Variants in FRMD3 observed in about 807,000 individuals in gnomAD.
The protein encoded by FRMD3 is FERM domain containing 3, also known as FERM domain-containing protein 3.
In FRMD3, 33 loss-of-function variants were observed where a neutral mutation model predicts 70.2. The observed-to-expected ratio is 0.47, with a 90% CI of 0.36 to 0.63. FRMD3 has a LOEUF of 0.63. Ranked by LOEUF, FRMD3 falls within the 20% of genes least tolerant of loss-of-function variation. The pLI, the probability that FRMD3 is intolerant of heterozygous loss-of-function variation, is 0.00. For synonymous variants in FRMD3, 279 were observed against 255.9 expected (o/e 1.09, Z -0.86); for missense variants, 632 against 711.4 (o/e 0.89, Z 1.27).
the FRMD3 span, among the ~76,000 whole-genome samples, chr9:83,584,070 T>G: frequency 6.6e-6 from 1 of 152,146 alleles, no homozygotes; most frequent in South Asian, 2.1e-4. Flanking sequence ...GCGTGGTGGC[T>G]CATGCCTGTA....
chr9:83,273,069 C>A (rs1197188903), intron 13 of FRMD3, among the ~76,000 whole-genome samples: 7 of 150,572 alleles, frequency 4.6e-5, no homozygotes, highest in Non-Finnish European at 1.0e-4. Context: ...GCGCCTCTGC[C>A]CGGCCACCCC....
chr9:83,514,025 T>A (rs987234966), intron 1 of FRMD3, among the ~76,000 whole-genome samples: 10 of 152,252 alleles, frequency 6.6e-5, no homozygotes, highest in African/African-American at 2.2e-4. Flanking sequence ...TTCAAGCACA[T>A]AGCTGGGCAG....
chr9:83,353,406 A>C (rs1477450916), intron 3 of FRMD3, among the ~76,000 whole-genome samples: 2 of 152,250 alleles, frequency 1.3e-5, no homozygotes, highest in Non-Finnish European at 2.9e-5. Context: ...GGCTGGAACA[A>C]GCTGAAAAGA....
intron 1 of FRMD3, among the ~76,000 whole-genome samples, chr9:83,464,724 A>T (rs17086293): frequency 0.16 from 24,666 of 152,102 alleles, 2,036 homozygotes; most frequent in East Asian, 0.2. Context: ...GGTCAAAGAT[A>T]ATTGAGGTTC....
chr9:83,493,819 C>T (rs1828882061), intron 1 of FRMD3, among the ~76,000 whole-genome samples: 1 of 152,294 alleles, frequency 6.6e-6, no homozygotes, highest in East Asian at 1.9e-4. Context: ...AGCTCAAGTC[C>T]CTCCCTTCAG....
intron 6 of FRMD3, chr9:83,331,770 A>T: frequency 1.5e-6 from 1 of 687,556 alleles, no homozygotes. Flanking sequence ...AAGTCTATTA[A>T]AAAAAGAAAA....
rs774281110 is a variant in FRMD3, at chr9:83,246,195, C to T, written c.*1723G>A. 2.5e-5 allele frequency: 25 copies of T among 984,892 alleles called. No homozygotes were observed. Among genetic ancestry groups the T allele is most frequent in the South Asian group, 4.7e-5 (1 of 21,256 alleles). 61.0% of individuals were successfully genotyped at this position (984,892 alleles called of 1,614,324 possible). ...TTGGAATGTCATTAGCTAGAGAGAG[C>T]GATTCCAAGTGGGCCCTGTAACTTT... On this transcript the variant is annotated 3_prime_UTR_variant, in exon 14 of 14. Transcript: ENST00000304195.
At chr9:83,528,711 A>G (rs959821681) in intron 1 of FRMD3, among the ~76,000 whole-genome samples, 5 of 151,872 alleles carry the variant, frequency 3.3e-5, no homozygotes, top group Non-Finnish European at 7.4e-5. Context: ...ATTTTTTTGT[A>G]AACACAGGGT....
At chr9:83,441,698 C>T (rs769990997) in intron 1 of FRMD3, among the ~76,000 whole-genome samples, 78 of 152,280 alleles carry the variant, frequency 5.1e-4, no homozygotes, top group Non-Finnish European at 1.0e-3. Context: ...CACCCCCAAG[C>T]ATGAAATTCA....
At chr9:83,329,702 T>A (rs989200315) in intron 6 of FRMD3, among the ~76,000 whole-genome samples, 2 of 152,228 alleles carry the variant, frequency 1.3e-5, no homozygotes, top group Admixed American at 1.3e-4. Flanking sequence ...ATCATTATAG[T>A]GTGGCTAGTT....
chr9:83,379,827 C>T (rs1225183719), intron 2 of FRMD3, among the ~76,000 whole-genome samples: 1 of 152,068 alleles, frequency 6.6e-6, no homozygotes, highest in Non-Finnish European at 1.5e-5. Flanking sequence ...ACCTCTGCTC[C>T]CTCACCCCTT....
chr9:83,413,020 A>C (rs1295770327), intron 1 of FRMD3, among the ~76,000 whole-genome samples: 4 of 152,144 alleles, frequency 2.6e-5, no homozygotes, highest in African/African-American at 9.7e-5. Flanking sequence ...AGAGAAAGAA[A>C]GAAAACAGAA....
chr9:83,385,471 A>G lies in FRMD3; in HGVS notation c.252+4133T>C, dbSNP rs568678236. Among the ~76,000 whole-genome samples the G allele has an allele frequency of 5.9e-5, 9 of 152,316 alleles. No individual in the cohort carries two copies. The South Asian group carries it at 1.9e-3, about 32-fold the overall frequency. ...ATCAAAATAGCAAAAGATAGTCATC[A>G]TTTCCTGACTCAGTGTTTCCCATTT... On this transcript the variant is annotated intron_variant, in intron 2 of 13. Transcript: ENST00000304195.
At chr9:83,467,427 T>C (rs1277720517) in intron 1 of FRMD3, among the ~76,000 whole-genome samples, 1 of 152,164 alleles carries the variant, frequency 6.6e-6, no homozygotes, top group Non-Finnish European at 1.5e-5. Context: ...GAAAGGCCAT[T>C]AAGTGGAACT....
chr9:83,365,744 C>T (rs1208743593), intron 3 of FRMD3, among the ~76,000 whole-genome samples: 1 of 152,094 alleles, frequency 6.6e-6, no homozygotes, highest in Non-Finnish European at 1.5e-5. Context: ...ATTTTACTGA[C>T]ATTTTTGTAC....
intron 1 of FRMD3, among the ~76,000 whole-genome samples, chr9:83,487,491 A>G (rs927772282): frequency 2.0e-5 from 3 of 152,188 alleles, no homozygotes; most frequent in African/African-American, 7.2e-5. Flanking sequence ...TTCTGAAGCC[A>G]TAGGTGGGAT....
At chr9:83,551,223 A>G in the FRMD3 span, among the ~76,000 whole-genome samples, 3 of 152,182 alleles carry the variant, frequency 2.0e-5, no homozygotes, top group African/African-American at 7.2e-5. Context: ...TTCTGCATCT[A>G]TTAAGATAAT....
chr9:83,505,418 C>T (rs1323367673), intron 1 of FRMD3, among the ~76,000 whole-genome samples: 1 of 152,132 alleles, frequency 6.6e-6, no homozygotes, highest in Non-Finnish European at 1.5e-5. Context: ...GCTGAGGCCA[C>T]CAGATTGGCA....
intron 1 of FRMD3, among the ~76,000 whole-genome samples, chr9:83,434,457 G>A (rs562887611): frequency 1.3e-5 from 2 of 152,292 alleles, no homozygotes; most frequent in South Asian, 4.1e-4. Context: ...CTAAACAAGA[G>A]GATGCACACA....
Sources: allele counts gnomAD v4.1 joint callset (sites outside exome capture counted in the v4.1 genomes callset), GRCh38; gene constraint gnomAD v4.1.1; transcripts MANE v1.5; gene names NCBI Gene and HGNC (gene_info 2026-07-23, HGNC 2026-07-21).